The following PAG1 variants were observed in gnomAD, a reference collection of about 807,000 sequenced individuals.
PAG1 encodes the protein phosphoprotein associated with glycosphingolipid-enriched microdomains 1.
Under a neutral mutation model 31.7 loss-of-function variants are expected in PAG1, and 23 were observed. The observed-to-expected ratio is 0.73, with a 90% CI of 0.52 to 1.03. PAG1 has a LOEUF of 1.03. Ranked by LOEUF, PAG1 falls within the 50% of genes least tolerant of loss-of-function variation. The pLI is 0.00. For synonymous variants in PAG1, 214 were observed against 210.3 expected (o/e 1.02, Z -0.15); for missense variants, 473 against 540.7 (o/e 0.87, Z 1.24).
chr8:80,991,254 T>C (rs941292397), intron 5 of PAG1, among the ~76,000 whole-genome samples: 1 of 152,134 alleles, frequency 6.6e-6, no homozygotes, highest in Non-Finnish European at 1.5e-5. Context: ...CACTAGCAAA[T>C]TAATAGAGGC....
chr8:81,101,738 CCATT>C (rs146069121), intron 1 of PAG1, among the ~76,000 whole-genome samples: 1,577 of 152,142 alleles, frequency 0.01, 29 homozygotes, highest in African/African-American at 0.035. Flanking sequence ...CAAAAGCTCT[CCATT>C]CAATCAAGCT....
chr8:81,014,291 T>A (rs1320695569), intron 3 of PAG1, among the ~76,000 whole-genome samples: 2 of 152,236 alleles, frequency 1.3e-5, no homozygotes, highest in South Asian at 4.1e-4. Context: ...GATAGACATA[T>A]CAGGTCTACA....
intron 1 of PAG1, among the ~76,000 whole-genome samples, chr8:81,089,259 G>T (rs1809407867): frequency 6.6e-6 from 1 of 152,172 alleles, no homozygotes; most frequent in African/African-American, 2.4e-5. Context: ...CATGCAGTGG[G>T]TTTGTATCAT....
Position 80,973,364 on chromosome 8 carries a change from CA to C in PAG1, c.*3179del, listed in dbSNP as rs911708000. 9 of 152,112 alleles carry C rather than the reference CA, an allele frequency of 5.9e-5. No homozygotes were observed. Among genetic ancestry groups the C allele is most frequent in the African/African-American group, 2.2e-4 (9 of 41,434 alleles). 9.4% of individuals were successfully genotyped at this position (152,112 alleles called of 1,614,324 possible). On this transcript the variant is annotated 3_prime_UTR_variant, in exon 9 of 9. Coordinates refer to ENST00000220597, the MANE Select transcript of PAG1 (RefSeq NM_018440.4). ...TTGAGACTATTTCAGAAAGTAGACA[CA>C]CTAAAAACATTTGACAAATTAAAAA...
intron 3 of PAG1, among the ~76,000 whole-genome samples, chr8:80,997,304 G>T (rs1051664593): frequency 7.2e-5 from 11 of 151,938 alleles, no homozygotes; most frequent in Admixed American, 2.6e-4. Context: ...TTGAGACAGG[G>T]TCTTGCTCTG....
intron 3 of PAG1, among the ~76,000 whole-genome samples, chr8:81,010,054 G>A (rs547253644): frequency 1.3e-5 from 2 of 152,334 alleles, no homozygotes; most frequent in South Asian, 4.1e-4. Flanking sequence ...GAATCACTGA[G>A]CTAGACTATT....
chr8:81,034,320 A>T (rs1319021320), intron 2 of PAG1, among the ~76,000 whole-genome samples: 1 of 152,308 alleles, frequency 6.6e-6, no homozygotes, highest in East Asian at 1.9e-4. Flanking sequence ...AATTCATTTT[A>T]AAAAAATCAG....
intron 2 of PAG1, among the ~76,000 whole-genome samples, chr8:81,050,436 C>T (rs925280154): frequency 2.6e-5 from 4 of 152,122 alleles, no homozygotes; most frequent in Middle Eastern, 3.4e-3. Flanking sequence ...TTGAGTTTTA[C>T]GCATCTAAAA....
chr8:81,016,482 C>T (rs1808074635), intron 3 of PAG1, among the ~76,000 whole-genome samples: 2 of 152,172 alleles, frequency 1.3e-5, no homozygotes, highest in Admixed American at 1.3e-4. Flanking sequence ...GTTTAGGGAA[C>T]TTACTACCTC....
At chr8:81,108,541 A>G (rs1809728140) in intron 1 of PAG1, among the ~76,000 whole-genome samples, 1 of 94,560 alleles carries the variant, frequency 1.1e-5, no homozygotes, top group Non-Finnish European at 2.8e-5. Flanking sequence ...TGTGATTTAA[A>G]TTAAATCAGA....
chr8:80,993,185 T>G lies in PAG1; in HGVS notation c.43A>C (p.Ile15Leu). 1 of 1,613,382 alleles carries G rather than the reference T, an allele frequency of 6.2e-7. No homozygotes were observed. Among genetic ancestry groups the G allele is most frequent in the Non-Finnish European group, 8.5e-7 (1 of 1,179,788 alleles). Residue 15 changes from isoleucine to leucine, a missense_variant, in exon 4 of 9, where the codon ATC becomes CTC. By Grantham distance (5) the Ile-to-Leu change is conservative. Transcript: ENST00000220597. ...GSLLGSGQMQITLWGSLAAVA... is the reference protein window; with the variant it reads ...GSLLGSGQMQLTLWGSLAAVA... ...GCAGCCAGACTTCCCCACAGGGTGA[T>G]CTGCATCTGTCCGCTGCCCAGCAGG...
In PAG1 at chr8:81,061,102, C is replaced by T. The variant is rs1808910303; in HGVS notation, c.-175+9010G>A. The stretch of plus-strand genomic sequence containing the variant: ...TAGCAGAAAATCTAGTAACTCTATT[C>T]CCAGACATAACAAGATTAGACTCAG... On this transcript the variant is annotated intron_variant, in intron 2 of 8. Transcript: ENST00000220597. 2.0e-5 allele frequency among the ~76,000 whole-genome samples: 3 copies of T among 152,108 alleles called. No homozygotes were observed. In the South Asian group the frequency reaches 6.2e-4, roughly 32 times the overall value.
At position 80,976,821 on chromosome 8, in the gene PAG1, T is replaced by A. The variant is rs2130328787; in HGVS notation, c.1022A>T (p.Tyr341Phe). The A allele has an allele frequency of 6.2e-7, 1 of 1,613,950 alleles. No individual in the cohort carries two copies. The highest frequency in any genetic ancestry group is 2.2e-5 in the East Asian group (1 of 44,878). ...GQSLTVPESTYTSIQGDPQRS... is the reference protein window; with the variant it reads ...GQSLTVPESTFTSIQGDPQRS... ...CTGTGGGTCCCCTTGAATGGAGGTG[T>A]AGGTGGACTCCGGAACTGTAAGCGA... Residue 341 changes from tyrosine (Y) to phenylalanine (F), a missense_variant, in exon 9 of 9, where the codon TAC becomes TTC. Tyr to Phe is a conservative substitution (Grantham distance 22). Coordinates refer to ENST00000220597, the MANE Select transcript of PAG1 (RefSeq NM_018440.4).
At chr8:81,075,972 T>A (rs1809170031) in intron 1 of PAG1, among the ~76,000 whole-genome samples, 1 of 152,226 alleles carries the variant, frequency 6.6e-6, no homozygotes, top group Non-Finnish European at 1.5e-5. Context: ...TTGTAGCTCT[T>A]GCTAAGTTAC....
chr8:81,094,891 C>A (rs964807162), intron 1 of PAG1, among the ~76,000 whole-genome samples: 3 of 152,228 alleles, frequency 2.0e-5, no homozygotes, highest in African/African-American at 7.2e-5. Context: ...CCATAACATG[C>A]ACCAGCTGTG....
intron 3 of PAG1, 37 bp from the exon 4 acceptor site, chr8:80,993,344 G>A (rs561849243): frequency 3.6e-5 from 38 of 1,059,314 alleles, no homozygotes; most frequent in Admixed American, 5.2e-5. Flanking sequence ...AGTAATTCTC[G>A]GGTAAAGTGG....
chr8:81,086,069 C>T (rs1384964678), intron 1 of PAG1, among the ~76,000 whole-genome samples: 2 of 145,946 alleles, frequency 1.4e-5, no homozygotes, highest in African/African-American at 2.6e-5. Context: ...GCAAGCTCCG[C>T]CTCCCGGGTT....
chr8:81,065,907 A>G (rs1808998582), intron 2 of PAG1, among the ~76,000 whole-genome samples: 1 of 152,108 alleles, frequency 6.6e-6, no homozygotes, highest in African/African-American at 2.4e-5. Flanking sequence ...TTAGGATTAC[A>G]CTTGACTTAC....
At chr8:81,074,052 T>C (rs192478448) in intron 1 of PAG1, among the ~76,000 whole-genome samples, 1 of 152,086 alleles carries the variant, frequency 6.6e-6, no homozygotes, top group East Asian at 1.9e-4. Context: ...CGTGCAGACA[T>C]GTGGGCAGAT....
Sources: gnomAD v4.1 joint callset for allele counts (sites outside exome capture counted in the v4.1 genomes callset) on GRCh38, gnomAD v4.1.1 for gene constraint, MANE v1.5 for transcripts, NCBI Gene and HGNC (gene_info 2026-07-23, HGNC 2026-07-21) for gene names.